MCM3: variants seen among roughly 807,000 people sequenced by gnomAD.
MCM3 encodes DNA replication licensing factor MCM3.
MCM3 carries 59 observed loss-of-function variants against 91.3 expected under a neutral mutation model. That is an observed-to-expected ratio of 0.65 (90% confidence interval 0.52 to 0.80). The LOEUF (loss-of-function observed/expected upper bound fraction) is 0.80. Ranked by LOEUF, MCM3 falls within the 30% of genes least tolerant of loss-of-function variation. The pLI is 0.00. For synonymous variants in MCM3, 383 were observed against 379.6 expected, an observed-to-expected ratio of 1.01 and a Z score of -0.10; for missense variants, 919 against 1,035.4, an observed-to-expected ratio of 0.89 and a Z score of 1.54.
chr6:52,279,445 G>A lies in MCM3; in HGVS notation c.686C>T (p.Ala229Val), dbSNP rs1478419288. Reference protein sequence around the residue: ...VILDDDLVDKAKPGDRVQVVG... With the variant: ...VILDDDLVDKVKPGDRVQVVG... Reference sequence around the variant, plus strand: ...CACCTGAACCCGGTCACCAGGCTTCGCTTTATCCACCAAGTCATCATCCAG... The same window carrying A: ...CACCTGAACCCGGTCACCAGGCTTCACTTTATCCACCAAGTCATCATCCAG... Residue 229 changes from alanine to valine, a missense_variant, in exon 5 of 17, where the codon GCG becomes GTG. Coordinates refer to ENST00000596288, the MANE Select transcript of MCM3 (RefSeq NM_002388.6). 7 of 1,613,978 alleles carry A rather than the reference G, an allele frequency of 4.3e-6. No homozygotes were observed. The highest frequency in any genetic ancestry group is 5.1e-6 in the Non-Finnish European group (6 of 1,180,024).
At chr6:52,284,456 A>G in intron 1 of MCM3, 141 bp downstream of exon 1, 3 of 678,140 alleles carry the variant, frequency 4.4e-6, no homozygotes, top group Middle Eastern at 4.1e-4. Context: ...GAGAAGTTAC[A>G]AGATTGGGGC....
chr6:52,277,166 G>C lies in MCM3; in HGVS notation c.1066C>G (p.Arg356Gly). 1 of 1,613,634 alleles carries C rather than the reference G, an allele frequency of 6.2e-7. No individual in the cohort carries two copies. Among genetic ancestry groups the C allele is most frequent in the Non-Finnish European group, 8.5e-7 (1 of 1,179,880 alleles). ...DPSVAKSQLLRYVLCTAPRAI... is the reference protein window; with the variant it reads ...DPSVAKSQLLGYVLCTAPRAI... ...CGGGGTGCAGTGCAAAGCACATACC[G>C]CAGAAGCTGAGACTTGGCAACGGAT... Residue 356 changes from arginine (R) to glycine (G), a missense_variant, in exon 8 of 17, where the codon CGG becomes GGG. Physicochemically the swap from Arg to Gly is moderately radical, Grantham distance 125 (BLOSUM62 -2). Around this residue, in one of 3 missense-constraint regions of MCM3, gnomAD observed 233 missense variants for 321.2 expected, o/e 0.73. Coordinates refer to ENST00000596288, the MANE Select transcript of MCM3 (RefSeq NM_002388.6).
In MCM3 at chr6:52,273,746, G is replaced by T. The variant is rs761199189; in HGVS notation, c.1545C>A (p.Gly515=). The T allele has an allele frequency of 6.2e-7, 1 of 1,608,178 alleles. No individual in the cohort carries two copies. Among genetic ancestry groups the T allele is most frequent in the South Asian group, 1.1e-5 (1 of 90,458 alleles). ...HRYRAPGEQD[G]DAMPLGSAVD... ...TTACTATTCTTATGGCCTCACCATCGCCATCCTGCTCCCCAGGTGCTCTGT... is the reference window on the plus strand; with the variant it reads ...TTACTATTCTTATGGCCTCACCATCTCCATCCTGCTCCCCAGGTGCTCTGT... Residue 515 remains glycine, a synonymous_variant, in exon 10 of 17, where the codon GGC becomes GGA. Coordinates refer to ENST00000596288, the MANE Select transcript of MCM3 (RefSeq NM_002388.6).
chr6:52,264,881 T>C (rs1012788418), intron 16 of MCM3, 95 bp from the exon 17 acceptor site: 10 of 994,704 alleles, frequency 1.0e-5, no homozygotes, highest in Non-Finnish European at 1.6e-5. Context: ...ATTAATACAG[T>C]AGAGGCGTCC....
chr6:52,282,556 T>C, intron 3 of MCM3, 97 bp downstream of exon 3: 1 of 1,159,818 alleles, frequency 8.6e-7, no homozygotes, highest in Non-Finnish European at 1.3e-6. Flanking sequence ...GCTCCACCTC[T>C]TTGAAGCCAC....
rs1275496681 is a variant in MCM3, at chr6:52,283,283, T to C, written c.191+11A>G. 5 of 1,609,620 alleles carry C rather than the reference T, an allele frequency of 3.1e-6. No individual in the cohort carries two copies. The South Asian group carries it at 5.5e-5, about 18-fold the overall frequency. On this transcript the variant is annotated intron_variant, in intron 2 of 16. Transcript: ENST00000596288. ...TCTCACTGACAGCCAGTATATCCCC[T>C]TGCCTCTCACCGGTTAGCCCTCTTC... is the stretch of plus-strand genomic sequence containing the variant.
chr6:52,281,243 TA>T lies in MCM3; in HGVS notation c.531+801del, dbSNP rs554550269. ...CAACAAAATATTTGTAAAGATTACATAACAGTCTAGCATTATTTTTCTACTT... is the reference window on the plus strand; with the variant it reads ...CAACAAAATATTTGTAAAGATTACATACAGTCTAGCATTATTTTTCTACTT... On this transcript the variant is annotated intron_variant, in intron 4 of 16. Coordinates refer to ENST00000596288, the MANE Select transcript of MCM3 (RefSeq NM_002388.6). Among the ~76,000 whole-genome samples, 6 of 152,382 alleles carry T rather than the reference TA, an allele frequency of 3.9e-5. No individual in the cohort carries two copies. In the South Asian group the frequency reaches 1.2e-3, roughly 32 times the overall value.
At chr6:52,278,936 T>C (rs1443235146) in intron 5 of MCM3, 86 bp from the exon 6 acceptor site, 1 of 914,196 alleles carries the variant, frequency 1.1e-6, no homozygotes, top group Non-Finnish European at 1.7e-6. Context: ...TAAGCCTTTT[T>C]AGGCTGCCAA....
At chr6:52,281,901 C>G in intron 4 of MCM3, 144 bp downstream of exon 4, 1 of 671,804 alleles carries the variant, frequency 1.5e-6, no homozygotes, top group East Asian at 3.0e-5. Flanking sequence ...AAACTCTGGC[C>G]TGCAATCAAT....
In MCM3 at chr6:52,277,697, GAAATAACC is replaced by G. The variant is rs1286820121; in HGVS notation, c.880-17_880-10del. 2 of 1,613,060 alleles carry G rather than the reference GAAATAACC, an allele frequency of 1.2e-6. No individual in the cohort carries two copies. The highest frequency in any genetic ancestry group is 1.7e-6 in the Non-Finnish European group (2 of 1,179,546). On this transcript the variant is annotated splice_polypyrimidine_tract_variant and intron_variant, in intron 6 of 16. Transcript: ENST00000596288. The stretch of plus-strand genomic sequence containing the variant: ...AGCTGGTCAAAGATATCCTACAGGA[GAAATAACC>G]AATGGCAAGCCTAGTGAGATTCAAT...
chr6:52,270,316 G>A (rs1203658431), intron 12 of MCM3, among the ~76,000 whole-genome samples: 3 of 133,346 alleles, frequency 2.2e-5, no homozygotes, highest in East Asian at 4.4e-4. Flanking sequence ...GCAACAGAGC[G>A]AGATTCCATC....
At chr6:52,272,584 G>T (rs1249527360) in intron 11 of MCM3, 133 bp from the exon 12 acceptor site, 2 of 790,382 alleles carry the variant, frequency 2.5e-6, no homozygotes, top group Non-Finnish European at 3.9e-6. Flanking sequence ...CATTTATATG[G>T]AACATAGACA....
In MCM3 at chr6:52,273,824, C is replaced by T. The variant is rs746098547; in HGVS notation, c.1467G>A (p.Met489Ile). Reference protein sequence around the residue: ...FDLLFIMLDQMDPEQDREISD... With the variant: ...FDLLFIMLDQIDPEQDREISD... ...AGATCTCCCGATCCTGCTCAGGATC[C>T]ATCTGATCCAGCATGATGAAGAGCA... The change falls in exon 10 of 17, where the codon ATG becomes ATA. Residue 489 changes from methionine (M) to isoleucine (I), a missense_variant. Physicochemically the swap from Met to Ile is conservative, Grantham distance 10. Around this residue, in one of 3 missense-constraint regions of MCM3, gnomAD observed 233 missense variants for 321.2 expected, o/e 0.73. Coordinates refer to ENST00000596288, the MANE Select transcript of MCM3 (RefSeq NM_002388.6). 3 of 1,613,922 alleles carry T rather than the reference C, an allele frequency of 1.9e-6. No individual in the cohort carries two copies. Among genetic ancestry groups the T allele is most frequent in the Non-Finnish European group, 2.5e-6 (3 of 1,179,824 alleles).
chr6:52,267,783 C>G, intron 14 of MCM3, 82 bp downstream of exon 14: 2 of 719,704 alleles, frequency 2.8e-6, no homozygotes, highest in Non-Finnish European at 5.2e-6. Flanking sequence ...GCCTCGGCCT[C>G]CCAAATTGCT....
At chr6:52,278,885 A>T in intron 5 of MCM3, 35 bp from the exon 6 acceptor site, 1 of 1,469,726 alleles carries the variant, frequency 6.8e-7, no homozygotes. Context: ...AACCCGTTAT[A>T]TTCAATTCCT....
chr6:52,277,999 C>T (rs569208008), intron 6 of MCM3, among the ~76,000 whole-genome samples: 30 of 125,498 alleles, frequency 2.4e-4, no homozygotes, highest in Non-Finnish European at 4.4e-4. Context: ...ACCCAAGAGG[C>T]GGAGGTTGCA....
intron 12 of MCM3, 66 bp downstream of exon 12, chr6:52,272,235 T>C (rs747894597): frequency 3.3e-6 from 5 of 1,508,296 alleles, no homozygotes; most frequent in Non-Finnish European, 4.5e-6. Context: ...AGCTCCCAGA[T>C]AGCAGGGACT....
chr6:52,279,895 G>C (rs1259523248), intron 4 of MCM3, among the ~76,000 whole-genome samples: 1 of 152,138 alleles, frequency 6.6e-6, no homozygotes, highest in East Asian at 1.9e-4. Flanking sequence ...TCCACTCCTA[G>C]GTAATACCCA....
intron 2 of MCM3, 68 bp downstream of exon 2, chr6:52,283,226 G>A (rs923442723): frequency 7.7e-7 from 1 of 1,295,324 alleles, no homozygotes; most frequent in Non-Finnish European, 1.1e-6. Context: ...CTGAGAGGCT[G>A]TTCCAATCTG....
Sources: allele counts gnomAD v4.1 joint callset (sites outside exome capture counted in the v4.1 genomes callset), GRCh38; gene constraint gnomAD v4.1.1; regional missense constraint gnomAD v4.1.1; transcripts MANE v1.5; gene names NCBI Gene and HGNC (gene_info 2026-07-23, HGNC 2026-07-21).